Variants in STARD13 observed in about 807,000 individuals in gnomAD.
The protein encoded by STARD13 is StAR related lipid transfer domain containing 13.
Under a neutral mutation model 106.4 loss-of-function variants are expected in STARD13, and 62 were observed. The observed-to-expected ratio is 0.58, with a 90% CI of 0.48 to 0.72. The LOEUF (loss-of-function observed/expected upper bound fraction) is 0.72. Among genes scored for constraint, STARD13 ranks in the 30% least tolerant of loss-of-function variants. The probability of loss-of-function intolerance (pLI) is 0.00; values close to 1 mark genes in which losing one functional copy is unlikely to be tolerated. For synonymous variants in STARD13, 565 were observed against 553.0 expected (o/e 1.02, Z -0.31); for missense variants, 1,387 against 1,424.0 (o/e 0.97, Z 0.42).
the STARD13 span, among the ~76,000 whole-genome samples, chr13:33,407,715 A>G: frequency 2.6e-5 from 4 of 152,216 alleles, no homozygotes; most frequent in South Asian, 6.2e-4. Flanking sequence ...CTCAAATCAC[A>G]GCCAGGAGCT....
chr13:33,266,036 C>A (rs1448085792), intron 1 of STARD13, among the ~76,000 whole-genome samples: 1 of 152,158 alleles, frequency 6.6e-6, no homozygotes, highest in African/African-American at 2.4e-5. Context: ...AGATCCTCAT[C>A]CCTCATGGTA....
the STARD13 span, among the ~76,000 whole-genome samples, chr13:33,528,138 C>T: frequency 5.5e-5 from 8 of 146,702 alleles, no homozygotes; most frequent in Non-Finnish European, 8.9e-5. Flanking sequence ...AGTTTAAACA[C>T]ATATCAAAGT....
chr13:33,105,477 G>A lies in STARD13; in HGVS notation c.*116C>T. On this transcript the variant is annotated 3_prime_UTR_variant, in exon 14 of 14. Transcript: ENST00000336934. ...CAACTTCTTAACGTTTCCATTTTTA[G>A]GCATTAACCGCGTCCTTCAGTTCCT... The A allele has an allele frequency of 1.4e-6, 1 of 708,136 alleles. No homozygotes were observed. Among genetic ancestry groups the A allele is most frequent in the South Asian group, 1.9e-5 (1 of 53,752 alleles). The allele number at this position is 708,136 out of a possible 1,614,324, so 43.9% of individuals were successfully genotyped here.
At chr13:33,487,757 C>T in the STARD13 span, among the ~76,000 whole-genome samples, 1 of 152,184 alleles carries the variant, frequency 6.6e-6, no homozygotes, top group Admixed American at 6.5e-5. Flanking sequence ...CCACGTTCCT[C>T]AATCTTACTT....
chr13:33,174,262 A>G (rs1296442704), intron 1 of STARD13, among the ~76,000 whole-genome samples: 1 of 152,134 alleles, frequency 6.6e-6, no homozygotes, highest in Admixed American at 6.6e-5. Flanking sequence ...ATTAGCCTTA[A>G]ATATATAATT....
intron 1 of STARD13, among the ~76,000 whole-genome samples, chr13:33,255,604 A>G (rs941936015): frequency 4.6e-5 from 7 of 152,178 alleles, no homozygotes; most frequent in Non-Finnish European, 1.0e-4. Flanking sequence ...TACAAAGGCC[A>G]TACCTACTGA....
At chr13:33,325,213 C>G (rs908689846) in intron 1 of STARD13, among the ~76,000 whole-genome samples, 1 of 152,132 alleles carries the variant, frequency 6.6e-6, no homozygotes, top group Non-Finnish European at 1.5e-5. Context: ...AACACTACTT[C>G]CTACTGATGC....
the STARD13 span, among the ~76,000 whole-genome samples, chr13:33,400,939 T>C: frequency 6.6e-6 from 1 of 152,246 alleles, no homozygotes. Context: ...TCAAAACGAC[T>C]CAGGAGCCAG....
At chr13:33,258,722 A>G (rs1311001905) in intron 1 of STARD13, among the ~76,000 whole-genome samples, 1 of 152,200 alleles carries the variant, frequency 6.6e-6, no homozygotes, top group Non-Finnish European at 1.5e-5. Context: ...GATAACAGGG[A>G]TCAGTGCAAT....
At chr13:33,119,465 C>G (rs1875923873) in intron 7 of STARD13, among the ~76,000 whole-genome samples, 1 of 152,132 alleles carries the variant, frequency 6.6e-6, no homozygotes, top group African/African-American at 2.4e-5. Flanking sequence ...CTCTGTGTGC[C>G]AGGCCGGCCT....
chr13:33,499,507 T>TTCTC, the STARD13 span, among the ~76,000 whole-genome samples: 2 of 55,462 alleles, frequency 3.6e-5, 1 homozygote, highest in Admixed American at 3.1e-4. Flanking sequence ...TTCTTCTTCT[T>TTCTC]CTTCTTCTTT....
intron 8 of STARD13, 173 bp from the exon 9 acceptor site, chr13:33,113,104 G>A (rs556919771): frequency 2.0e-5 from 11 of 556,438 alleles, no homozygotes; most frequent in African/African-American, 3.8e-5. Flanking sequence ...CTGAGGCCTC[G>A]CAGCTCATGG....
the STARD13 span, among the ~76,000 whole-genome samples, chr13:33,384,208 A>G: frequency 6.6e-6 from 1 of 152,224 alleles, no homozygotes; most frequent in Non-Finnish European, 1.5e-5. Flanking sequence ...ATTGCTTTGA[A>G]TCTAACAACC....
chr13:33,619,557 T>C, the STARD13 span, among the ~76,000 whole-genome samples: 1 of 152,078 alleles, frequency 6.6e-6, no homozygotes, highest in Admixed American at 6.6e-5. Context: ...TCTTAGAACA[T>C]CCACTAAAAA....
chr13:33,434,498 A>G, the STARD13 span, among the ~76,000 whole-genome samples: 1 of 152,090 alleles, frequency 6.6e-6, no homozygotes, highest in Non-Finnish European at 1.5e-5. Context: ...ACTTCCAATG[A>G]TATAGGGTTG....
At chr13:33,590,175 C>T in the STARD13 span, among the ~76,000 whole-genome samples, 1 of 152,102 alleles carries the variant, frequency 6.6e-6, no homozygotes, top group Admixed American at 6.5e-5. Flanking sequence ...GTTAGAATGG[C>T]GATCATTAAA....
chr13:33,288,098 A>T (rs79931298), upstream of STARD13, among the ~76,000 whole-genome samples: 15 of 152,104 alleles, frequency 9.9e-5, no homozygotes, highest in African/African-American at 3.6e-4. Flanking sequence ...AGGTTACTAG[A>T]TAAAACAATA....
the STARD13 span, among the ~76,000 whole-genome samples, chr13:33,390,167 A>T: frequency 3.9e-5 from 6 of 152,310 alleles, no homozygotes; most frequent in African/African-American, 1.4e-4. Flanking sequence ...TACTTACTTT[A>T]TGAGCAAAGG....
chr13:33,543,739 G>A, the STARD13 span, among the ~76,000 whole-genome samples: 2 of 144,820 alleles, frequency 1.4e-5, no homozygotes, highest in South Asian at 2.2e-4. Flanking sequence ...TGGGAGGGAA[G>A]GTCTGAGGAT....
Sources: allele counts gnomAD v4.1 joint callset (sites outside exome capture counted in the v4.1 genomes callset), GRCh38; gene constraint gnomAD v4.1.1; transcripts MANE v1.5; gene names NCBI Gene and HGNC (gene_info 2026-07-23, HGNC 2026-07-21).